The following PIRT variants were observed in gnomAD, a reference collection of about 807,000 sequenced individuals.
The protein encoded by PIRT is phosphoinositide interacting regulator of transient receptor potential channels, also known as phosphoinositide-interacting protein.
In PIRT, 6 loss-of-function variants were observed where a neutral mutation model predicts 7.9. The ratio of observed to expected loss-of-function variants is 0.76; its 90% CI spans 0.42 to 1.51. PIRT has a LOEUF of 1.51. Among genes scored for constraint, PIRT ranks in the 40% most tolerant of loss-of-function variants. The pLI, the probability that PIRT is intolerant of heterozygous loss-of-function variation, is 0.01. For synonymous variants in PIRT, 78 were observed against 71.8 expected (o/e 1.09, Z -0.44); for missense variants, 170 against 172.9 (o/e 0.98, Z 0.09).
In PIRT at chr17:10,823,962, C is replaced by G. The variant is rs754011592; in HGVS notation, c.*1270G>C. On this transcript the variant is annotated 3_prime_UTR_variant, in exon 2 of 2. Transcript: ENST00000580256. ...TCCTTCCCCAAGCTACTCCTGCACA[C>G]GCATAGCAGCTCCTGCTGCTTCCAA... 1 of 152,302 alleles carries G rather than the reference C, an allele frequency of 6.6e-6. No homozygotes were observed. Among genetic ancestry groups the G allele is most frequent in the South Asian group, 2.1e-4 (1 of 4,838 alleles). 9.4% of individuals were successfully genotyped at this position (152,302 alleles called of 1,614,324 possible). A position where few individuals can be genotyped will look rare whatever the true frequency, so the allele number is the denominator to read the frequency against.
chr17:10,829,737 C>A (rs1905417163), intron 1 of PIRT, among the ~76,000 whole-genome samples: 1 of 152,078 alleles, frequency 6.6e-6, no homozygotes, highest in Non-Finnish European at 1.5e-5. Flanking sequence ...TAACATTGAC[C>A]CACTACGTGA....
intron 1 of PIRT, among the ~76,000 whole-genome samples, chr17:10,835,727 G>A (rs910933973): frequency 6.6e-6 from 1 of 152,204 alleles, no homozygotes; most frequent in Non-Finnish European, 1.5e-5. Flanking sequence ...GTGGCACAGT[G>A]GCCTTAAAGT....
intron 1 of PIRT, among the ~76,000 whole-genome samples, chr17:10,827,661 G>A (rs995916120): frequency 6.6e-6 from 1 of 151,232 alleles, no homozygotes; most frequent in Admixed American, 6.6e-5. Flanking sequence ...TTTTAGTAGG[G>A]ACAGGGTTTC....
chr17:10,833,982 T>G (rs944060497), intron 1 of PIRT, among the ~76,000 whole-genome samples: 1 of 151,960 alleles, frequency 6.6e-6, no homozygotes, highest in African/African-American at 2.4e-5. Context: ...ATACCGTAGG[T>G]TGGTGTGAAC....
chr17:10,831,143 G>A (rs1905453770), intron 1 of PIRT, among the ~76,000 whole-genome samples: 1 of 152,156 alleles, frequency 6.6e-6, no homozygotes, highest in Non-Finnish European at 1.5e-5. Flanking sequence ...GTTGCTCAGA[G>A]GATGTGGCCC....
chr17:10,827,943 G>T (rs554364959), intron 1 of PIRT, among the ~76,000 whole-genome samples: 57 of 152,274 alleles, frequency 3.7e-4, no homozygotes, highest in African/African-American at 1.3e-3. Context: ...CAAAGTTACT[G>T]CCCTGATTCA....
chr17:10,829,289 C>CT (rs1905408315), intron 1 of PIRT, among the ~76,000 whole-genome samples: 2 of 152,052 alleles, frequency 1.3e-5, no homozygotes, highest in Admixed American at 6.6e-5. Flanking sequence ...GAGAAGATAG[C>CT]TGGGGCTGGG....
In PIRT at chr17:10,825,374, A is replaced by G. The variant is rs761036895; in HGVS notation, c.272T>C (p.Met91Thr). Reference sequence around the variant, plus strand: ...CAGGGACAGGAAGCCAGGCCCTACCATTTTGAGGATGGAGAGACTCTTGTC... The same window carrying G: ...CAGGGACAGGAAGCCAGGCCCTACCGTTTTGAGGATGGAGAGACTCTTGTC... Reference protein sequence around the residue: ...LSDKSLSILKMVGPGFLSLGL... With the variant: ...LSDKSLSILKTVGPGFLSLGL... Residue 91 changes from methionine to threonine, a missense_variant, in exon 2 of 2, where the codon ATG (methionine) becomes ACG (threonine). Physicochemically the swap from Met to Thr is moderately conservative, Grantham distance 81 (BLOSUM62 -1). Transcript: ENST00000580256. 6.2e-7 allele frequency: 1 copy of G among 1,613,930 alleles called. No homozygotes were observed. Among genetic ancestry groups the G allele is most frequent in the Non-Finnish European group, 8.5e-7 (1 of 1,179,880 alleles).
Position 10,823,926 on chromosome 17 carries a change from C to T in PIRT, c.*1306G>A, listed in dbSNP as rs1480791574. 1 of 152,256 alleles carries T rather than the reference C, an allele frequency of 6.6e-6. No homozygotes were observed. Among genetic ancestry groups the T allele is most frequent in the Non-Finnish European group, 1.5e-5 (1 of 68,056 alleles). 9.4% of individuals were successfully genotyped at this position (152,256 alleles called of 1,614,324 possible). A position where few individuals can be genotyped will look rare whatever the true frequency, so the allele number is the denominator to read the frequency against. On this transcript the variant is annotated 3_prime_UTR_variant, in exon 2 of 2. Coordinates refer to ENST00000580256, the MANE Select transcript of PIRT (RefSeq NM_001101387.2). ...AAATGGCCGTGCAGTTTCCTAATTCCATCATGCTTCTCCTTCCCCAAGCTA... is the reference window on the plus strand; with the variant it reads ...AAATGGCCGTGCAGTTTCCTAATTCTATCATGCTTCTCCTTCCCCAAGCTA...
At position 10,825,610 on chromosome 17, in the gene PIRT, G is replaced by A. The variant is rs1240621035; in HGVS notation, c.36C>T (p.Val12=). ...TMETLPKVLE[V]DEKSPEAKDL... ...CCTTGGCTTCTGGAGACTTCTCATC[G>A]ACCTCTAGAACCTTGGGGAGAGTCT... Residue 12 remains valine, a synonymous_variant, in exon 2 of 2, where the codon GTC becomes GTT. Coordinates refer to ENST00000580256, the MANE Select transcript of PIRT (RefSeq NM_001101387.2). The A allele has an allele frequency of 5.2e-6, 8 of 1,535,626 alleles. No homozygotes were observed. Among genetic ancestry groups the A allele is most frequent in the East Asian group, 4.8e-5 (2 of 41,430 alleles).
At position 10,825,830 on chromosome 17, in the gene PIRT, C is replaced by T. The variant is rs1222501584; in HGVS notation, c.-138-47G>A. 5 of 493,376 alleles carry T rather than the reference C, an allele frequency of 1.0e-5. No homozygotes were observed. The Middle Eastern group carries it at 1.7e-3, about 166-fold the overall frequency. The allele number at this position is 493,376 out of a possible 1,614,324, so 30.6% of individuals were successfully genotyped here. ...AAATGAAATTCACATAAATAAGAAA[C>T]CACCCAAGCTGGTATAATTTTTTTT... On this transcript the variant is annotated intron_variant, in intron 1 of 1. Transcript: ENST00000580256.
chr17:10,832,948 T>C (rs1168191530), intron 1 of PIRT, among the ~76,000 whole-genome samples: 2 of 152,198 alleles, frequency 1.3e-5, no homozygotes, highest in African/African-American at 4.8e-5. Context: ...TGATGATCCC[T>C]GACTGTATAA....
intron 1 of PIRT, among the ~76,000 whole-genome samples, chr17:10,829,961 GTCTGTCTA>G (rs1323888905): frequency 9.3e-5 from 13 of 140,350 alleles, no homozygotes; most frequent in South Asian, 4.8e-4. Context: ...GTAGATGTCT[GTCTGTCTA>G]TCTATCTATC....
At chr17:10,828,417 G>A (rs1267581096) in intron 1 of PIRT, among the ~76,000 whole-genome samples, 1 of 152,100 alleles carries the variant, frequency 6.6e-6, no homozygotes, top group Non-Finnish European at 1.5e-5. Flanking sequence ...TCCTCCTCTG[G>A]CTTCTTCTTC....
chr17:10,830,003 C>A (rs191353880), intron 1 of PIRT, among the ~76,000 whole-genome samples: 1 of 143,306 alleles, frequency 7.0e-6, no homozygotes, highest in Non-Finnish European at 1.5e-5. Context: ...ATCTATCTAT[C>A]TATCTATCAT....
chr17:10,830,301 CT>C (rs1203277123), intron 1 of PIRT, among the ~76,000 whole-genome samples: 1 of 152,170 alleles, frequency 6.6e-6, no homozygotes, highest in African/African-American at 2.4e-5. Flanking sequence ...AGAATTAAGC[CT>C]ACTTATTCAC....
intron 1 of PIRT, among the ~76,000 whole-genome samples, chr17:10,829,601 C>A (rs1445312278): frequency 6.6e-6 from 1 of 152,190 alleles, no homozygotes. Flanking sequence ...CACTGCACAG[C>A]AGCTAGTCTG....
chr17:10,835,714 C>A (rs1395021789), intron 1 of PIRT, among the ~76,000 whole-genome samples: 3 of 152,244 alleles, frequency 2.0e-5, no homozygotes, highest in Non-Finnish European at 4.4e-5. Flanking sequence ...CAGCAAGGGG[C>A]CTGTGGCACA....
At chr17:10,827,465 C>CTTTTTTTTTTTCT (rs1905354459) in intron 1 of PIRT, among the ~76,000 whole-genome samples, 3 of 56,292 alleles carry the variant, frequency 5.3e-5, no homozygotes, top group Non-Finnish European at 9.5e-5. Context: ...TTTTTCTTTT[C>CTTTTTTTTTTTCT]TTTTTTTTTT....
Sources: gnomAD v4.1 joint callset for allele counts (sites outside exome capture counted in the v4.1 genomes callset) on GRCh38, gnomAD v4.1.1 for gene constraint, MANE v1.5 for transcripts, NCBI Gene and HGNC (gene_info 2026-07-23, HGNC 2026-07-21) for gene names.